Variants in CPEB3 observed in about 807,000 individuals in gnomAD.
CPEB3 encodes the protein cytoplasmic polyadenylation element binding protein 3, also known as cytoplasmic polyadenylation element-binding protein 3.
CPEB3 carries 20 observed loss-of-function variants against 67.2 expected under a neutral mutation model. The observed-to-expected ratio is 0.30, with a 90% CI of 0.21 to 0.43. The LOEUF (loss-of-function observed/expected upper bound fraction) is 0.43, where lower values mean the gene tolerates loss of function less well. Ranked by LOEUF, CPEB3 falls within the 20% of genes least tolerant of loss-of-function variation. The pLI is 1.00. For missense variants in CPEB3, 746 were observed against 968.6 expected, an observed-to-expected ratio of 0.77 and a Z score of 3.05; for synonymous variants, 376 against 393.1, an observed-to-expected ratio of 0.96 and a Z score of 0.51.
intron 4 of CPEB3, among the ~76,000 whole-genome samples, chr10:92,154,412 CT>C (rs1847109617): frequency 6.6e-6 from 1 of 152,080 alleles, no homozygotes; most frequent in South Asian, 2.1e-4. Context: ...CTTCTCATTT[CT>C]CATTATTACT....
At chr10:92,242,725 T>C (rs916947241) in intron 1 of CPEB3, among the ~76,000 whole-genome samples, 1 of 152,190 alleles carries the variant, frequency 6.6e-6, no homozygotes, top group African/African-American at 2.4e-5. Context: ...AGCCAAAAAG[T>C]AAGCTGGACT....
chr10:92,119,401 A>G (rs1054239193), intron 6 of CPEB3, among the ~76,000 whole-genome samples: 50 of 152,154 alleles, frequency 3.3e-4, no homozygotes, highest in African/African-American at 1.2e-3. Context: ...TTTTGCCCAC[A>G]ACTTGCCTAC....
chr10:92,097,855 T>A (rs555886400), intron 7 of CPEB3, among the ~76,000 whole-genome samples: 1 of 152,210 alleles, frequency 6.6e-6, no homozygotes, highest in East Asian at 1.9e-4. Context: ...TTAAAGGCTC[T>A]AAGAAATTCT....
At chr10:92,188,275 T>TG (rs1441071659) in intron 3 of CPEB3, among the ~76,000 whole-genome samples, 1 of 134,994 alleles carries the variant, frequency 7.4e-6, no homozygotes, top group Non-Finnish European at 1.5e-5. Flanking sequence ...TTCTCATCTC[T>TG]GAGGCATTCT....
intron 9 of CPEB3, among the ~76,000 whole-genome samples, chr10:92,058,594 T>TAA (rs58218665): frequency 7.4e-6 from 1 of 135,478 alleles, no homozygotes; most frequent in Non-Finnish European, 1.6e-5. Flanking sequence ...CATACATACA[T>TAA]ATATATATAT....
At chr10:92,237,008 A>T (rs997701274) in intron 2 of CPEB3, among the ~76,000 whole-genome samples, 4 of 152,226 alleles carry the variant, frequency 2.6e-5, no homozygotes, top group African/African-American at 9.6e-5. Context: ...ATAAAATCAC[A>T]TTTGCCAGAA....
intron 1 of CPEB3, among the ~76,000 whole-genome samples, chr10:92,245,042 T>A (rs1241277638): frequency 6.6e-6 from 1 of 152,080 alleles, no homozygotes; most frequent in East Asian, 1.9e-4. Context: ...CAATCAGAAC[T>A]GAAGTATTAC....
intron 1 of CPEB3, among the ~76,000 whole-genome samples, chr10:92,286,362 A>T (rs1307746897): frequency 6.6e-6 from 1 of 152,154 alleles, no homozygotes; most frequent in Admixed American, 6.6e-5. Flanking sequence ...AGGCAAGTGG[A>T]TCACTTGAGG....
chr10:92,136,318 C>G (rs997863738), intron 6 of CPEB3, among the ~76,000 whole-genome samples: 5 of 152,110 alleles, frequency 3.3e-5, no homozygotes, highest in Non-Finnish European at 7.4e-5. Flanking sequence ...GCAAAGGCAA[C>G]CAAAGCAAAA....
intron 2 of CPEB3, among the ~76,000 whole-genome samples, chr10:92,200,484 G>T (rs1849469131): frequency 6.9e-6 from 1 of 144,554 alleles, no homozygotes; most frequent in Admixed American, 7.1e-5. Context: ...GGCAGAGGTT[G>T]AGGTGAGCCG....
intron 2 of CPEB3, among the ~76,000 whole-genome samples, chr10:92,202,165 G>C (rs1026448687): frequency 6.6e-6 from 1 of 152,076 alleles, no homozygotes; most frequent in Admixed American, 6.6e-5. Context: ...ATTCCTAGTA[G>C]GAATGCAAAA....
upstream of CPEB3, chr10:92,291,203 G>A: frequency 2.0e-6 from 1 of 510,704 alleles, no homozygotes; most frequent in South Asian, 2.4e-5. Context: ...GCAGCAACTC[G>A]GCGCCCGCGG....
chr10:92,058,592 CATAT>C lies in CPEB3; in HGVS notation c.1870-6157_1870-6154del, dbSNP rs58100356. ...ACATACATACATACATACATACATA[CATAT>C]ATATATATATATAAATTAATTATAT... is the stretch of plus-strand genomic sequence containing the variant. On this transcript the variant is annotated intron_variant, in intron 9 of 9. Transcript: ENST00000265997. Among the ~76,000 whole-genome samples the C allele has an allele frequency of 2.7e-3, 381 of 140,346 alleles. 3 individuals carry two copies. Among genetic ancestry groups the C allele is most frequent in the East Asian group, 0.013 (64 of 4,942 alleles). 92.1% of individuals were successfully genotyped at this position (140,346 alleles called of 152,430 possible).
In CPEB3 at chr10:92,239,942, G is replaced by C. The variant is rs368922359; in HGVS notation, c.409C>G (p.Gln137Glu). The change falls in exon 2 of 10, where the codon CAG becomes GAG. Residue 137 changes from glutamine to glutamate, a missense_variant. Gln to Glu is a conservative substitution (Grantham distance 29). Coordinates refer to ENST00000265997, the MANE Select transcript of CPEB3 (RefSeq NM_014912.5). The surrounding 1 kb of genome is among the most constrained non-coding windows in gnomAD (Gnocchi z 6.0). ...GGGTTGACATGGTGCGGGAAGTTCT[G>C]GAAGAGCATGGTCCCGTTGACTGGG... ...ITPVNGTMLF[Q>E]NFPHHVNPVF... The C allele has an allele frequency of 6.2e-7, 1 of 1,613,520 alleles. No individual in the cohort carries two copies. The highest frequency in any genetic ancestry group is 8.5e-7 in the Non-Finnish European group (1 of 1,179,716).
intron 7 of CPEB3, among the ~76,000 whole-genome samples, chr10:92,109,446 G>T (rs1047459699): frequency 2.0e-5 from 3 of 152,016 alleles, no homozygotes; most frequent in Admixed American, 6.6e-5. Context: ...TAGAGAAGGG[G>T]TTTCACCGTG....
At chr10:92,270,709 C>T (rs562837012) in intron 1 of CPEB3, among the ~76,000 whole-genome samples, 23 of 150,344 alleles carry the variant, frequency 1.5e-4, no homozygotes, top group South Asian at 6.3e-4. Context: ...ACTACAAGTG[C>T]GCACCACCAT....
chr10:92,136,610 G>C lies in CPEB3; in HGVS notation c.1453+6419C>G, dbSNP rs551026191. 5.6e-4 allele frequency among the ~76,000 whole-genome samples: 85 copies of C among 152,214 alleles called. 1 individual carries two copies. The South Asian group carries it at 0.018, about 32-fold the overall frequency. ...GAGTCTTGCTCTGTCACCCAGGCTG[G>C]AGTGCAGTGGCATGATCTCGGCTCA... On this transcript the variant is annotated intron_variant, in intron 6 of 9. Coordinates refer to ENST00000265997, the MANE Select transcript of CPEB3 (RefSeq NM_014912.5).
chr10:92,092,377 A>C (rs1387770907), intron 7 of CPEB3, among the ~76,000 whole-genome samples: 5 of 152,214 alleles, frequency 3.3e-5, no homozygotes, highest in Admixed American at 2.6e-4. Context: ...TGACTTTTTA[A>C]TTCTCATCAC....
intron 2 of CPEB3, among the ~76,000 whole-genome samples, chr10:92,210,426 G>A (rs527456899): frequency 1.8e-4 from 28 of 152,322 alleles, no homozygotes; most frequent in African/African-American, 5.8e-4. Context: ...TGTGAAAAAG[G>A]AAAGTGGCAA....
Sources: gnomAD v4.1 joint callset for allele counts (sites outside exome capture counted in the v4.1 genomes callset) on GRCh38, gnomAD v4.1.1 for gene constraint, Gnocchi (gnomAD v3.1) non-coding constraint, MANE v1.5 for transcripts, NCBI Gene and HGNC (gene_info 2026-07-23, HGNC 2026-07-21) for gene names.